Variants in UBE2E2 observed in about 807,000 individuals in gnomAD.
The protein encoded by UBE2E2 is ubiquitin-conjugating enzyme E2 E2.
A neutral mutation model predicts 24.7 loss-of-function variants in UBE2E2; 6 were observed. That is an observed-to-expected ratio of 0.24 (90% CI 0.13 to 0.48). The LOEUF is 0.48. Among genes scored for constraint, UBE2E2 ranks in the 20% least tolerant of loss-of-function variants. The pLI is 0.99. For missense variants in UBE2E2, 169 were observed against 245.0 expected (o/e 0.69, Z 2.07); for synonymous variants, 104 against 83.6 (o/e 1.24, Z -1.33).
At chr3:23,462,791 C>T (rs539475913) in intron 3 of UBE2E2, among the ~76,000 whole-genome samples, 1 of 152,144 alleles carries the variant, frequency 6.6e-6, no homozygotes, top group Non-Finnish European at 1.5e-5. Context: ...AGTTACAGTT[C>T]TTTTACGTCA....
At chr3:23,543,559 AAT>A (rs200925887) in intron 5 of UBE2E2, among the ~76,000 whole-genome samples, 135 of 143,612 alleles carry the variant, frequency 9.4e-4, no homozygotes, top group Non-Finnish European at 1.2e-3. Flanking sequence ...AAAAAAAAAA[AAT>A]AATAATAGAT....
At chr3:23,348,177 C>G (rs981491021) in intron 3 of UBE2E2, among the ~76,000 whole-genome samples, 1 of 152,038 alleles carries the variant, frequency 6.6e-6, no homozygotes, top group African/African-American at 2.4e-5. Context: ...AATGTGAAAA[C>G]TCCAATGAAC....
In UBE2E2 at chr3:23,310,189, T is replaced by C. The variant is rs1401059043; in HGVS notation, c.227+92877T>C. Among the ~76,000 whole-genome samples the C allele has an allele frequency of 2.0e-5, 3 of 152,132 alleles. No homozygotes were observed. The East Asian group carries it at 5.8e-4, about 29-fold the overall frequency. ...CTAAGTTTCACAGGTGACTTGAGAC[T>C]ACAGTTACGTTGGTAAGTTTATTAT... On this transcript the variant is annotated intron_variant, in intron 3 of 5. Transcript: ENST00000396703.
intron 5 of UBE2E2, among the ~76,000 whole-genome samples, chr3:23,537,272 G>A (rs11129120): frequency 0.18 from 27,059 of 152,028 alleles, 2,480 homozygotes; most frequent in Middle Eastern, 0.23. Flanking sequence ...GTCTTTGTCT[G>A]TCTCTCTTCA....
intron 3 of UBE2E2, among the ~76,000 whole-genome samples, chr3:23,286,305 T>G (rs1698613461): frequency 6.6e-6 from 1 of 152,154 alleles, no homozygotes; most frequent in Non-Finnish European, 1.5e-5. Context: ...TATAATAGTT[T>G]CATTTTGATT....
intron 3 of UBE2E2, among the ~76,000 whole-genome samples, chr3:23,447,575 G>A (rs1218956927): frequency 2.6e-5 from 4 of 152,128 alleles, no homozygotes; most frequent in Non-Finnish European, 1.5e-5. Flanking sequence ...ACTACATTTT[G>A]TGGAAAAACA....
At chr3:23,242,007 T>A (rs1297705823) in intron 3 of UBE2E2, among the ~76,000 whole-genome samples, 2 of 152,322 alleles carry the variant, frequency 1.3e-5, no homozygotes, top group East Asian at 3.9e-4. Context: ...TCTTTTGTGC[T>A]CAAGCTATCC....
chr3:23,253,195 A>G (rs1176670738), intron 3 of UBE2E2, among the ~76,000 whole-genome samples: 2 of 152,266 alleles, frequency 1.3e-5, no homozygotes, highest in Non-Finnish European at 2.9e-5. Flanking sequence ...TTGACTAGAT[A>G]AAATTACACA....
chr3:23,260,111 A>C (rs1357380809), intron 3 of UBE2E2, among the ~76,000 whole-genome samples: 9 of 152,234 alleles, frequency 5.9e-5, no homozygotes, highest in Admixed American at 1.3e-4. Flanking sequence ...TTGGGTTAAA[A>C]ATTACTGATT....
intron 4 of UBE2E2, among the ~76,000 whole-genome samples, chr3:23,506,745 C>T (rs1559406048): frequency 6.6e-6 from 1 of 152,108 alleles, no homozygotes; most frequent in Non-Finnish European, 1.5e-5. Flanking sequence ...GCAATCTTCC[C>T]ACCCCAGCCT....
chr3:23,267,232 C>T (rs910285793), intron 3 of UBE2E2, among the ~76,000 whole-genome samples: 8 of 150,044 alleles, frequency 5.3e-5, no homozygotes, highest in African/African-American at 2.0e-4. Context: ...AATAGAGACA[C>T]AAAAAACCCT....
At chr3:23,506,567 G>A (rs570985421) in intron 4 of UBE2E2, among the ~76,000 whole-genome samples, 42 of 152,198 alleles carry the variant, frequency 2.8e-4, no homozygotes, top group African/African-American at 9.6e-4. Context: ...ACCGTCAACT[G>A]TTCTCCTCCC....
At chr3:23,363,388 C>T (rs1488622894) in intron 3 of UBE2E2, among the ~76,000 whole-genome samples, 2 of 152,140 alleles carry the variant, frequency 1.3e-5, no homozygotes, top group African/African-American at 4.8e-5. Context: ...CGAACTGTAT[C>T]CTCTCTACAG....
At chr3:23,204,757 G>T in intron 1 of UBE2E2, 1 of 985,254 alleles carries the variant, frequency 1.0e-6, no homozygotes, top group Non-Finnish European at 1.2e-6. Flanking sequence ...TAAATTTAAA[G>T]CTGGATATTG....
chr3:23,439,546 C>T lies in UBE2E2; in HGVS notation c.228-60062C>T, dbSNP rs181207546. Among the ~76,000 whole-genome samples, 222 of 152,216 alleles carry T rather than the reference C, an allele frequency of 1.5e-3. 1 individual carries two copies. The highest frequency in any genetic ancestry group is 5.1e-3 in the African/African-American group (211 of 41,514). ...GGCTAGCTGCCCAAAGTCTCTAGGA[C>T]CCCAAAGAGATTATGAGAGAGAACG... On this transcript the variant is annotated intron_variant, in intron 3 of 5. Transcript: ENST00000396703.
chr3:23,440,910 A>G (rs1001770210), intron 3 of UBE2E2, among the ~76,000 whole-genome samples: 1 of 152,184 alleles, frequency 6.6e-6, no homozygotes, highest in African/African-American at 2.4e-5. Flanking sequence ...AAATCCTAAG[A>G]GACTCGCTTA....
chr3:23,588,466 G>T (rs1160690562), intron 5 of UBE2E2, among the ~76,000 whole-genome samples: 1 of 149,548 alleles, frequency 6.7e-6, no homozygotes, highest in African/African-American at 2.5e-5. Flanking sequence ...ACCCAGGCTG[G>T]TATGTGGTGG....
intron 3 of UBE2E2, among the ~76,000 whole-genome samples, chr3:23,332,150 A>G (rs1021490008): frequency 6.6e-6 from 1 of 152,022 alleles, no homozygotes; most frequent in East Asian, 1.9e-4. Flanking sequence ...ATATCTTTCC[A>G]CTTTTTTTTC....
At chr3:23,586,891 G>T (rs1363509273) in intron 5 of UBE2E2, among the ~76,000 whole-genome samples, 1 of 137,994 alleles carries the variant, frequency 7.2e-6, no homozygotes, top group Non-Finnish European at 1.5e-5. Context: ...TACAAAAGCA[G>T]ACTATAAATT....
Sources: gnomAD v4.1 joint callset for allele counts (sites outside exome capture counted in the v4.1 genomes callset) on GRCh38, gnomAD v4.1.1 for gene constraint, MANE v1.5 for transcripts, NCBI Gene and HGNC (gene_info 2026-07-23, HGNC 2026-07-21) for gene names.